Variants in FMNL3 observed in about 807,000 individuals in gnomAD.
FMNL3 encodes formin-like protein 3.
In FMNL3, 57 loss-of-function variants were observed where a neutral mutation model predicts 119.6. The ratio of observed to expected loss-of-function variants is 0.48; its 90% confidence interval spans 0.39 to 0.59. The LOEUF (loss-of-function observed/expected upper bound fraction) is 0.59, where lower values mean the gene tolerates loss of function less well. Among genes scored for constraint, FMNL3 ranks in the 20% least tolerant of loss-of-function variants. FMNL3 has a pLI of 0.00. For synonymous variants in FMNL3, 491 were observed against 507.3 expected (o/e 0.97, Z 0.43); for missense variants, 1,053 against 1,323.5 (o/e 0.80, Z 3.17).
chr12:49,679,559 C>T (rs1296244637), intron 1 of FMNL3, among the ~76,000 whole-genome samples: 1 of 138,474 alleles, frequency 7.2e-6, no homozygotes, highest in Non-Finnish European at 1.5e-5. Flanking sequence ...CAGGGTCTCA[C>T]TCCATCACAC....
At chr12:49,707,023 A>G in intron 1 of FMNL3, 32 bp downstream of exon 1, 1 of 1,556,274 alleles carries the variant, frequency 6.4e-7, no homozygotes. Flanking sequence ...GAGGGGCGGT[A>G]CGCGGGGGAA....
chr12:49,658,453 C>G lies in FMNL3; in HGVS notation c.594G>C (p.Gln198His). ...FTNSLARSAR[Q>H]SVLRYSTLPG... ...AAAAGCACACATACCGGAGCACAGA[C>G]TGGCGCGCAGAGCGAGCGAGGCTGT... Residue 198 changes from glutamine (Q) to histidine (H), a missense_variant, in exon 6 of 26, where the codon CAG becomes CAC. Gln to His is a conservative substitution (Grantham distance 24). Around this residue, in one of 4 missense-constraint regions of FMNL3, gnomAD observed 264 missense variants for 265.5 expected, o/e 0.99. Transcript: ENST00000335154. 1 of 1,605,714 alleles carries G rather than the reference C, an allele frequency of 6.2e-7. No individual in the cohort carries two copies. The highest frequency in any genetic ancestry group is 1.1e-5 in the South Asian group (1 of 90,022).
chr12:49,686,899 G>A (rs1349347084), intron 1 of FMNL3, among the ~76,000 whole-genome samples: 1 of 152,138 alleles, frequency 6.6e-6, no homozygotes, highest in Non-Finnish European at 1.5e-5. Flanking sequence ...CTGAGGCTAG[G>A]AGCCAGTTGG....
Position 49,638,439 on chromosome 12 carries a change from A to G in FMNL3, c.*7376T>C, listed in dbSNP as rs530137287. 1.3e-5 allele frequency: 2 copies of G among 152,374 alleles called. No individual in the cohort carries two copies. The highest frequency in any genetic ancestry group is 2.4e-5 in the African/African-American group (1 of 41,552). The allele number at this position is 152,374 out of a possible 1,614,324, so 9.4% of individuals were successfully genotyped here. A position where few individuals can be genotyped will look rare whatever the true frequency, so the allele number is the denominator to read the frequency against. On this transcript the variant is annotated 3_prime_UTR_variant, in exon 26 of 26. Coordinates refer to ENST00000335154, the MANE Select transcript of FMNL3 (RefSeq NM_175736.5). ...TTAGAAAGGGCAAGTCATCCTTCTC[A>G]CCATTCCTTAGTGCCTTCTTGATAC...
At chr12:49,705,937 T>A (rs566808833) in intron 1 of FMNL3, among the ~76,000 whole-genome samples, 1 of 152,318 alleles carries the variant, frequency 6.6e-6, no homozygotes, top group Admixed American at 6.5e-5. Context: ...CCAAGGCAGA[T>A]GAAATCCAAT....
Position 49,656,918 on chromosome 12 carries a change from A to T in FMNL3, c.715-19T>A. ...ATCCGTACTGCAAGGGAAAGGACAGAAGGAGGGGACCTTGATGGTGGGGAA... is the reference window on the plus strand; with the variant it reads ...ATCCGTACTGCAAGGGAAAGGACAGTAGGAGGGGACCTTGATGGTGGGGAA... On this transcript the variant is annotated intron_variant, in intron 7 of 25. Transcript: ENST00000335154. 1.2e-6 allele frequency: 2 copies of T among 1,609,238 alleles called. No homozygotes were observed. Among genetic ancestry groups the T allele is most frequent in the Non-Finnish European group, 1.7e-6 (2 of 1,175,806 alleles).
chr12:49,668,848 TATAA>T (rs1409686958), intron 1 of FMNL3, among the ~76,000 whole-genome samples: 1 of 152,246 alleles, frequency 6.6e-6, no homozygotes, highest in Non-Finnish European at 1.5e-5. Flanking sequence ...AATTCGGAAG[TATAA>T]ATAATGTTTT....
chr12:49,665,067 A>G (rs1943850478), intron 4 of FMNL3, among the ~76,000 whole-genome samples: 1 of 152,100 alleles, frequency 6.6e-6, no homozygotes, highest in African/African-American at 2.4e-5. Context: ...ATACGCACAC[A>G]TATACACACT....
chr12:49,652,079 A>C lies in FMNL3; in HGVS notation c.1457T>G (p.Leu486Arg). ...CAGCTCTGCAGGGCCTACTCTGGCCAGGGCCTCACTGTCCACAGACTCCAG... is the reference window on the plus strand; with the variant it reads ...CAGCTCTGCAGGGCCTACTCTGGCCCGGGCCTCACTGTCCACAGACTCCAG... ...RGLESVDSEALARVGPAELSE... is the reference protein window; with the variant it reads ...RGLESVDSEARARVGPAELSE... Residue 486 changes from leucine to arginine, a missense_variant, in exon 14 of 26, where the codon CTG becomes CGG. Physicochemically the swap from Leu to Arg is moderately radical, Grantham distance 102. This residue lies in a region of FMNL3 where 445 missense variants were observed against 628.4 expected (regional missense o/e 0.71). Transcript: ENST00000335154. The C allele has an allele frequency of 6.2e-7, 1 of 1,612,750 alleles. No individual in the cohort carries two copies. The highest frequency in any genetic ancestry group is 1.1e-5 in the South Asian group (1 of 90,662).
intron 6 of FMNL3, among the ~76,000 whole-genome samples, chr12:49,657,426 G>A (rs749173598): frequency 2.6e-5 from 4 of 152,198 alleles, no homozygotes; most frequent in Non-Finnish European, 5.9e-5. Flanking sequence ...TTTATAACCA[G>A]TGCCCCAACC....
chr12:49,691,561 G>A (rs1944601119), intron 1 of FMNL3, among the ~76,000 whole-genome samples: 1 of 152,162 alleles, frequency 6.6e-6, no homozygotes, highest in Non-Finnish European at 1.5e-5. Flanking sequence ...TTAAAATACA[G>A]CTTCAGCGCA....
In FMNL3 at chr12:49,637,657, G is replaced by GA; in HGVS notation, c.*8157_*8158insT. 6.4e-7 allele frequency: 1 copy of GA among 1,559,182 alleles called. No homozygotes were observed. The highest frequency in any genetic ancestry group is 1.4e-5 in the African/African-American group (1 of 73,640). On this transcript the variant is annotated 3_prime_UTR_variant, in exon 26 of 26. Coordinates refer to ENST00000335154, the MANE Select transcript of FMNL3 (RefSeq NM_175736.5). Reference sequence around the variant, plus strand: ...CAGCCTCTCTGCACCCCCTACTACCGGCTCCTGTCCTCGGCCCAGCCCCCA... The same window carrying GA: ...CAGCCTCTCTGCACCCCCTACTACCGAGCTCCTGTCCTCGGCCCAGCCCCCA...
chr12:49,662,154 AC>A, intron 4 of FMNL3, 105 bp from the exon 5 acceptor site: 1 of 1,036,116 alleles, frequency 9.7e-7, no homozygotes, highest in Non-Finnish European at 1.5e-6. Flanking sequence ...GGAACCCAGC[AC>A]CAGGCTAAGA....
At chr12:49,689,041 C>T (rs1944538258) in intron 1 of FMNL3, among the ~76,000 whole-genome samples, 1 of 152,106 alleles carries the variant, frequency 6.6e-6, no homozygotes, top group Non-Finnish European at 1.5e-5. Context: ...TCACTTGAGC[C>T]CAGGAATTCA....
chr12:49,672,900 C>CA (rs1411805086), intron 1 of FMNL3, among the ~76,000 whole-genome samples: 1 of 152,170 alleles, frequency 6.6e-6, no homozygotes, highest in Non-Finnish European at 1.5e-5. Flanking sequence ...TGGTCCCTAT[C>CA]ATGATAAATC....
intron 1 of FMNL3, among the ~76,000 whole-genome samples, chr12:49,680,046 T>C (rs778836506): frequency 6.6e-6 from 1 of 152,224 alleles, no homozygotes; most frequent in African/African-American, 2.4e-5. Context: ...AACTAGAATA[T>C]AAGCTCCTTG....
intron 1 of FMNL3, among the ~76,000 whole-genome samples, chr12:49,687,171 G>A (rs1231426280): frequency 6.8e-6 from 1 of 146,898 alleles, no homozygotes; most frequent in Non-Finnish European, 1.5e-5. Context: ...TCGGCTCACT[G>A]CACCCTCCGC....
At chr12:49,694,900 G>T (rs963884658) in intron 1 of FMNL3, among the ~76,000 whole-genome samples, 18 of 151,214 alleles carry the variant, frequency 1.2e-4, no homozygotes, top group Middle Eastern at 3.4e-3. Context: ...CAACAAGAGC[G>T]AAACTCCGTC....
In FMNL3 at chr12:49,642,961, G is replaced by A. The variant is rs772744566; in HGVS notation, c.*2854C>T. On this transcript the variant is annotated 3_prime_UTR_variant, in exon 26 of 26. Coordinates refer to ENST00000335154, the MANE Select transcript of FMNL3 (RefSeq NM_175736.5). This position sits in a 1 kb window ranked among gnomAD's most constrained non-coding sequence, Gnocchi z 5.8. ...TGCCAGCACCTCCACACCAAAGGCCGAAAGCATGGCAGGAAAGGCAAGAAG... is the reference window on the plus strand; with the variant it reads ...TGCCAGCACCTCCACACCAAAGGCCAAAAGCATGGCAGGAAAGGCAAGAAG... The A allele has an allele frequency of 6.8e-6, 11 of 1,613,636 alleles. No homozygotes were observed. Among genetic ancestry groups the A allele is most frequent in the African/African-American group, 4.0e-5 (3 of 74,926 alleles).
Sources: allele counts gnomAD v4.1 joint callset (sites outside exome capture counted in the v4.1 genomes callset), GRCh38; gene constraint gnomAD v4.1.1; regional missense constraint gnomAD v4.1.1; non-coding constraint Gnocchi (gnomAD v3.1); transcripts MANE v1.5; gene names NCBI Gene and HGNC (gene_info 2026-07-23, HGNC 2026-07-21).